SLK: variants seen among roughly 807,000 people sequenced by gnomAD.
The protein encoded by SLK is STE20 like kinase.
A neutral mutation model predicts 147.7 loss-of-function variants in SLK; 67 were observed. The observed-to-expected ratio is 0.45, with a 90% CI of 0.37 to 0.56. The LOEUF (loss-of-function observed/expected upper bound fraction) is 0.56. Ranked by LOEUF, SLK falls within the 20% of genes least tolerant of loss-of-function variation. The pLI is 0.00. For synonymous variants in SLK, 441 were observed against 475.0 expected (o/e 0.93, Z 0.93); for missense variants, 1,136 against 1,438.8 (o/e 0.79, Z 3.41).
chr10:104,014,580 G>C (rs1436910148), intron 13 of SLK, among the ~76,000 whole-genome samples: 1 of 152,102 alleles, frequency 6.6e-6, no homozygotes, highest in East Asian at 1.9e-4. Flanking sequence ...TAAAAGGAGA[G>C]GGAGAAATTA....
chr10:103,968,651 C>T (rs1037714857), intron 1 of SLK, among the ~76,000 whole-genome samples: 5 of 152,172 alleles, frequency 3.3e-5, no homozygotes, highest in African/African-American at 1.2e-4. Flanking sequence ...TATTTTCATC[C>T]TGAAGGGCGA....
Position 104,004,956 on chromosome 10 carries a change from A to G in SLK, c.2350-605A>G, listed in dbSNP as rs1844304440. ...GCACTGTCTTTCTAGTAACCCTAAA[A>G]TCATACATATATCTCTGGCCCTGAG... On this transcript the variant is annotated intron_variant, in intron 9 of 18. Transcript: ENST00000369755. Among the ~76,000 whole-genome samples the G allele has an allele frequency of 2.0e-5, 3 of 152,146 alleles. No homozygotes were observed. In the South Asian group the frequency reaches 6.2e-4, roughly 32 times the overall value.
At chr10:103,967,975 C>T (rs1843740131) in intron 1 of SLK, 80 bp downstream of exon 1, 3 of 1,423,054 alleles carry the variant, frequency 2.1e-6, no homozygotes, top group South Asian at 1.2e-5. Context: ...CTTCTGCTCC[C>T]CTGGTCCTTA....
Position 103,992,620 on chromosome 10 carries a change from G to A in SLK, c.338G>A (p.Gly113Asp). The change falls in exon 3 of 19, where the codon GGT (glycine) becomes GAT (aspartate). Residue 113 changes from glycine (G) to aspartate (D), a missense_variant. By Grantham distance (94) the Gly-to-Asp change is moderately conservative (BLOSUM62 -1). Transcript: ENST00000369755. ...CAGATCCTCATTGAATTTTGTGCAG[G>A]TGGAGCAGTAGATGCTGTGATGCTT... ...NLWILIEFCA[G>D]GAVDAVMLEL... 8.4e-7 allele frequency: 1 copy of A among 1,183,630 alleles called. No individual in the cohort carries two copies. Among genetic ancestry groups the A allele is most frequent in the Admixed American group, 2.8e-5 (1 of 36,076 alleles). 73.3% of individuals were successfully genotyped at this position (1,183,630 alleles called of 1,614,324 possible).
intron 1 of SLK, among the ~76,000 whole-genome samples, chr10:103,982,733 A>C (rs1394425213): frequency 6.6e-6 from 1 of 152,228 alleles, no homozygotes; most frequent in Non-Finnish European, 1.5e-5. Flanking sequence ...GCAAAGCTGC[A>C]AAAAAATTTG....
intron 4 of SLK, among the ~76,000 whole-genome samples, chr10:103,994,699 G>T (rs1844143747): frequency 6.6e-6 from 1 of 152,166 alleles, no homozygotes; most frequent in Non-Finnish European, 1.5e-5. Flanking sequence ...GGGATGATGT[G>T]AAAAAAATGT....
At chr10:104,001,700 A>C in intron 8 of SLK, 128 bp downstream of exon 8, 1 of 984,016 alleles carries the variant, frequency 1.0e-6, no homozygotes, top group Non-Finnish European at 1.5e-6. Context: ...GATTAGTAGC[A>C]AGGTTGCTCG....
At chr10:104,003,661 A>T (rs773690886) in intron 9 of SLK, 134 bp downstream of exon 9, 1 of 765,530 alleles carries the variant, frequency 1.3e-6, no homozygotes, top group Admixed American at 2.8e-5. Flanking sequence ...CTTACAGCCT[A>T]TGAAAGCAAT....
At chr10:103,997,976 T>G (rs1299043705) in intron 4 of SLK, among the ~76,000 whole-genome samples, 1 of 152,186 alleles carries the variant, frequency 6.6e-6, no homozygotes, top group Non-Finnish European at 1.5e-5. Flanking sequence ...TAGTTGACAA[T>G]TAAAATATTT....
intron 17 of SLK, 103 bp downstream of exon 17, chr10:104,020,716 A>G: frequency 7.9e-7 from 1 of 1,268,370 alleles, no homozygotes; most frequent in Non-Finnish European, 1.1e-6. Context: ...ATCATACACG[A>G]ACATGCTGGG....
At position 104,020,601 on chromosome 10, in the gene SLK, G is replaced by A. The variant is rs1306357600; in HGVS notation, c.3435G>A (p.Leu1145=). Residue 1145 remains leucine (L), a synonymous_variant, in exon 17 of 19, where the codon CTG becomes CTA. Coordinates refer to ENST00000369755, the MANE Select transcript of SLK (RefSeq NM_014720.4). ...AGTGTGAAGCCAATGTCCGCGAACT[G>A]CATCAGCTGCAGGTCAGATACAGAA... ...QLQCEANVRE[L]HQLQNEKCHL... is the part of the protein sequence containing the mutation. The A allele has an allele frequency of 7.4e-6, 12 of 1,612,370 alleles. No homozygotes were observed. Among genetic ancestry groups the A allele is most frequent in the Non-Finnish European group, 9.3e-6 (11 of 1,179,428 alleles).
At chr10:103,974,787 A>G (rs1250167710) in intron 1 of SLK, 2 of 131,136 alleles carry the variant, frequency 1.5e-5, no homozygotes, top group African/African-American at 5.9e-5. Flanking sequence ...AGTAGGTGGG[A>G]CTACAGGTGC....
chr10:104,027,021 C>T lies in SLK; in HGVS notation c.*1301C>T, dbSNP rs950776675. 2 of 152,226 alleles carry T rather than the reference C, an allele frequency of 1.3e-5. No homozygotes were observed. The highest frequency in any genetic ancestry group is 2.4e-5 in the African/African-American group (1 of 41,456). The allele number at this position is 152,226 out of a possible 1,614,324, so 9.4% of individuals were successfully genotyped here. On this transcript the variant is annotated 3_prime_UTR_variant, in exon 19 of 19. Transcript: ENST00000369755. ...CTGTACTTTGCTGTCTGAGACAGCA[C>T]ATTTGTGAATGATGCTTGCTGCCTG...
intron 1 of SLK, 121 bp from the exon 2 acceptor site, chr10:103,990,554 A>G: frequency 1.8e-6 from 1 of 549,576 alleles, no homozygotes; most frequent in East Asian, 3.5e-5. Flanking sequence ...ACTATTTTTA[A>G]AAGACAGCCT....
intron 13 of SLK, among the ~76,000 whole-genome samples, chr10:104,017,316 C>A (rs1201022093): frequency 6.6e-6 from 1 of 152,182 alleles, no homozygotes; most frequent in Non-Finnish European, 1.5e-5. Context: ...TCATTAATTT[C>A]TCAAACTATT....
At chr10:103,989,193 A>G (rs1844056596) in intron 1 of SLK, among the ~76,000 whole-genome samples, 1 of 152,236 alleles carries the variant, frequency 6.6e-6, no homozygotes, top group Non-Finnish European at 1.5e-5. Context: ...TAGAAAATGA[A>G]CAGCCCAGTT....
At chr10:104,018,940 G>T (rs753241225) in intron 15 of SLK, 32 bp downstream of exon 15, 3 of 1,543,114 alleles carry the variant, frequency 1.9e-6, no homozygotes, top group East Asian at 2.3e-5. Context: ...TCATTTTTTT[G>T]TTCGTTTTAA....
chr10:103,984,410 C>A (rs188229852), intron 1 of SLK, among the ~76,000 whole-genome samples: 1 of 151,990 alleles, frequency 6.6e-6, no homozygotes, highest in Admixed American at 6.6e-5. Flanking sequence ...ACCCCATTTC[C>A]TCATCTTATT....
Position 104,028,086 on chromosome 10 carries a change from G to A in SLK, c.*2366G>A, listed in dbSNP as rs1194585857. 6.6e-6 allele frequency: 1 copy of A among 152,134 alleles called. No homozygotes were observed. Among genetic ancestry groups the A allele is most frequent in the Non-Finnish European group, 1.5e-5 (1 of 68,022 alleles). The allele number at this position is 152,134 out of a possible 1,614,324, so 9.4% of individuals were successfully genotyped here. A position where few individuals can be genotyped will look rare whatever the true frequency, so the allele number is the denominator to read the frequency against. On this transcript the variant is annotated 3_prime_UTR_variant, in exon 19 of 19. Transcript: ENST00000369755. ...CCCATACCAGCCCACCTCTTCTGAGGCCCTGTATTCAAATAGATGATAGTG... is the reference window on the plus strand; with the variant it reads ...CCCATACCAGCCCACCTCTTCTGAGACCCTGTATTCAAATAGATGATAGTG...
Sources: allele counts gnomAD v4.1 joint callset (sites outside exome capture counted in the v4.1 genomes callset), GRCh38; gene constraint gnomAD v4.1.1; transcripts MANE v1.5; gene names NCBI Gene and HGNC (gene_info 2026-07-23, HGNC 2026-07-21).